The following ZNF25 variants were observed in gnomAD, a reference collection of about 807,000 sequenced individuals.
The protein encoded by ZNF25 is zinc finger protein 25 (KOX 19).
ZNF25 carries 21 observed loss-of-function variants against 30.9 expected under a neutral mutation model. The observed-to-expected ratio is 0.68, with a 90% CI of 0.48 to 0.98. The LOEUF is 0.98. ZNF25 is among the 50% of genes least tolerant of loss of function. The pLI is 0.00. For missense variants in ZNF25, 501 were observed against 529.9 expected (o/e 0.95, Z 0.54); for synonymous variants, 169 against 181.3 (o/e 0.93, Z 0.55).
chr10:37,952,215 C>A lies in ZNF25; in HGVS notation c.1283G>T (p.Cys428Phe). The A allele has an allele frequency of 1.2e-6, 2 of 1,613,954 alleles. No individual in the cohort carries two copies. Among genetic ancestry groups the A allele is most frequent in the Non-Finnish European group, 1.7e-6 (2 of 1,179,906 alleles). ...RKHTGEKPYECQECGETFIQK... is the reference protein window; with the variant it reads ...RKHTGEKPYEFQECGETFIQK... ...GATAAAGGTTTCCCCACACTCCTGA[C>A]ACTCATAGGGCTTCTCCCCTGTGTG... Residue 428 changes from cysteine (C) to phenylalanine (F), a missense_variant, in exon 6 of 6, where the codon TGT becomes TTT. Coordinates refer to ENST00000302609, the MANE Select transcript of ZNF25 (RefSeq NM_145011.4).
In ZNF25 at chr10:37,967,446, G is replaced by T. The variant is rs538862179; in HGVS notation, c.15+4262C>A. Among the ~76,000 whole-genome samples the T allele has an allele frequency of 3.3e-5, 5 of 151,354 alleles. No individual in the cohort carries two copies. The South Asian group carries it at 1.0e-3, about 32-fold the overall frequency. On this transcript the variant is annotated intron_variant, in intron 2 of 5. Transcript: ENST00000302609. ...CTTTTTTTTTTTTTTCTGAGACAGG[G>T]TCTCACTGGCTGGAGTGCAATGGTC...
intron 2 of ZNF25, among the ~76,000 whole-genome samples, chr10:37,965,974 A>G (rs1048177476): frequency 6.6e-6 from 1 of 152,198 alleles, no homozygotes; most frequent in African/African-American, 2.4e-5. Context: ...TAAAAATTAG[A>G]AAAGTTAATT....
chr10:37,961,306 C>A (rs763305195), intron 2 of ZNF25, among the ~76,000 whole-genome samples: 6 of 152,178 alleles, frequency 3.9e-5, no homozygotes, highest in South Asian at 2.1e-4. Flanking sequence ...TGAAAACATA[C>A]AAGTACTAGT....
chr10:37,949,914 G>T lies in ZNF25; in HGVS notation c.*2213C>A, dbSNP rs1427774763. 3 of 152,488 alleles carry T rather than the reference G, an allele frequency of 2.0e-5. No individual in the cohort carries two copies. The highest frequency in any genetic ancestry group is 4.4e-5 in the Non-Finnish European group (3 of 68,018). 9.4% of individuals were successfully genotyped at this position (152,488 alleles called of 1,614,324 possible). On this transcript the variant is annotated 3_prime_UTR_variant, in exon 6 of 6. Coordinates refer to ENST00000302609, the MANE Select transcript of ZNF25 (RefSeq NM_145011.4). ...TATGTTTACTGCTACATTCCATCAA[G>T]AAATTTCTTGTTTTGATGTTATGAC...
rs1311990339 is a variant in ZNF25 at position 37,952,328 on chromosome 10, C to T, written c.1170G>A (p.Arg390=). The change falls in exon 6 of 6, where the codon AGG becomes AGA. Residue 390 remains arginine, a synonymous_variant. Transcript: ENST00000302609. ...CATAGGGCTTCTCTCCTGTGTGAGTCCTTTGATGTAATCTGAGGACTGAAT... is the reference window on the plus strand; with the variant it reads ...CATAGGGCTTCTCTCCTGTGTGAGTTCTTTGATGTAATCTGAGGACTGAAT... ...AVNSVLRLHQ[R]THTGEKPYAC... is the part of the protein sequence containing the mutation. 6.2e-7 allele frequency: 1 copy of T among 1,612,028 alleles called. No homozygotes were observed. The highest frequency in any genetic ancestry group is 8.5e-7 in the Non-Finnish European group (1 of 1,179,298).
At chr10:37,957,318 G>C in intron 3 of ZNF25, 102 bp downstream of exon 3, 2 of 1,438,956 alleles carry the variant, frequency 1.4e-6, no homozygotes, top group East Asian at 2.3e-5. Context: ...CTGAATCATA[G>C]ATAATGTCAA....
chr10:37,968,599 C>A (rs376350826), intron 2 of ZNF25, among the ~76,000 whole-genome samples: 1 of 152,164 alleles, frequency 6.6e-6, no homozygotes, highest in African/African-American at 2.4e-5. Flanking sequence ...AAGTGATCCA[C>A]CCACCCTGGC....
intron 2 of ZNF25, among the ~76,000 whole-genome samples, chr10:37,970,968 T>C (rs900068436): frequency 1.3e-5 from 2 of 152,204 alleles, no homozygotes; most frequent in Non-Finnish European, 1.5e-5. Flanking sequence ...TCCAAACATA[T>C]ACCTCAGAAA....
At chr10:37,970,687 C>T (rs539553998) in intron 2 of ZNF25, among the ~76,000 whole-genome samples, 1 of 152,234 alleles carries the variant, frequency 6.6e-6, no homozygotes, top group South Asian at 2.1e-4. Flanking sequence ...CTTCCTCTAC[C>T]TTTTTGATGT....
At chr10:37,974,277 G>A (rs1444278911) in intron 1 of ZNF25, among the ~76,000 whole-genome samples, 1 of 152,016 alleles carries the variant, frequency 6.6e-6, no homozygotes, top group Non-Finnish European at 1.5e-5. Flanking sequence ...AGATGAATGG[G>A]ATTACATCAA....
intron 2 of ZNF25, among the ~76,000 whole-genome samples, chr10:37,969,725 T>TTAA (rs2063383650): frequency 1.3e-5 from 2 of 152,188 alleles, no homozygotes; most frequent in Non-Finnish European, 2.9e-5. Context: ...GTACTAAATA[T>TTAA]TAATACCTTA....
chr10:37,974,206 A>G (rs1164894536), intron 1 of ZNF25, among the ~76,000 whole-genome samples: 1 of 152,214 alleles, frequency 6.6e-6, no homozygotes, highest in African/African-American at 2.4e-5. Context: ...GCTTCAGAAC[A>G]TTGTTCTCGG....
intron 2 of ZNF25, among the ~76,000 whole-genome samples, chr10:37,965,841 G>A (rs1214075626): frequency 6.6e-6 from 1 of 152,060 alleles, no homozygotes; most frequent in East Asian, 1.9e-4. Context: ...TATGTTAATG[G>A]TCATACAACA....
chr10:37,957,884 G>T (rs561196043), intron 2 of ZNF25, among the ~76,000 whole-genome samples: 18 of 152,080 alleles, frequency 1.2e-4, no homozygotes, highest in Non-Finnish European at 5.9e-5. Context: ...TGTTTTCTAT[G>T]TTTAGATACA....
chr10:37,971,551 G>A (rs907296526), intron 2 of ZNF25, among the ~76,000 whole-genome samples, 157 bp downstream of exon 2: 17 of 151,464 alleles, frequency 1.1e-4, no homozygotes, highest in Admixed American at 9.9e-4. Context: ...TATTCAAACG[G>A]TATTTTGCCT....
chr10:37,964,665 G>A (rs1673226127), intron 2 of ZNF25, among the ~76,000 whole-genome samples: 1 of 152,108 alleles, frequency 6.6e-6, no homozygotes, highest in Non-Finnish European at 1.5e-5. Context: ...ATCAAATATA[G>A]GAGCAAAGAA....
At chr10:37,970,267 A>C (rs1392760422) in intron 2 of ZNF25, among the ~76,000 whole-genome samples, 1 of 152,210 alleles carries the variant, frequency 6.6e-6, no homozygotes, top group Non-Finnish European at 1.5e-5. Context: ...AATATATAAA[A>C]ATATAAACAC....
At chr10:37,956,797 C>G (rs571210029) in intron 4 of ZNF25, among the ~76,000 whole-genome samples, 2 of 152,026 alleles carry the variant, frequency 1.3e-5, no homozygotes, top group South Asian at 4.2e-4. Flanking sequence ...TGCCTGTAAT[C>G]CCAGCTACTC....
chr10:37,967,584 A>G (rs1768989800), intron 2 of ZNF25, among the ~76,000 whole-genome samples: 1 of 151,760 alleles, frequency 6.6e-6, no homozygotes, highest in South Asian at 2.1e-4. Context: ...TAATTTTTGT[A>G]TTTTGCAGAG....
Sources: allele counts gnomAD v4.1 joint callset (sites outside exome capture counted in the v4.1 genomes callset), GRCh38; gene constraint gnomAD v4.1.1; transcripts MANE v1.5; gene names NCBI Gene and HGNC (gene_info 2026-07-23, HGNC 2026-07-21).